Variants in UNC45B observed in about 807,000 individuals in gnomAD.
UNC45B encodes unc-45 myosin chaperone B.
UNC45B carries 78 observed loss-of-function variants against 98.7 expected under a neutral mutation model. That is an observed-to-expected ratio of 0.79 (90% CI 0.66 to 0.95). The LOEUF is 0.95. Ranked by LOEUF, UNC45B falls within the 40% of genes least tolerant of loss-of-function variation. The pLI is 0.00. For synonymous variants in UNC45B, 462 were observed against 480.4 expected (o/e 0.96, Z 0.50); for missense variants, 1,225 against 1,184.9 (o/e 1.03, Z -0.50).
chr17:35,154,875 T>C (rs1451322881), intron 6 of UNC45B, 134 bp downstream of exon 6: 8 of 1,048,222 alleles, frequency 7.6e-6, no homozygotes, highest in Non-Finnish European at 1.0e-5. Context: ...AGTCTCTTTT[T>C]CCCTTTCAGT....
At chr17:35,174,053 C>T (rs896950765) in intron 13 of UNC45B, among the ~76,000 whole-genome samples, 189 bp from the exon 14 acceptor site, 2 of 152,006 alleles carry the variant, frequency 1.3e-5, no homozygotes, top group Non-Finnish European at 2.9e-5. Flanking sequence ...CCTCGTGGTC[C>T]GCCCGCCTCA....
At chr17:35,177,205 T>G in intron 16 of UNC45B, 75 bp downstream of exon 16, 3 of 1,362,102 alleles carry the variant, frequency 2.2e-6, no homozygotes, top group Admixed American at 3.8e-5. Flanking sequence ...CCCTTGTCAT[T>G]CTACCTCGAG....
Position 35,150,165 on chromosome 17 carries a change from C to T in UNC45B, c.323C>T (p.Pro108Leu). Residue 108 changes from proline (P) to leucine (L), a missense_variant, in exon 4 of 20, where the codon CCA becomes CTA. By Grantham distance (98) the Pro-to-Leu change is moderately conservative. Coordinates refer to ENST00000394570, the MANE Select transcript of UNC45B (RefSeq NM_001267052.2). ...KDVQRCATLE[P>L]RNQNFQEMLR... Reference sequence around the variant, plus strand: ...GTGCAGCGTTGTGCCACCCTCGAGCCACGGAACCAGAACTTCCAGGAGATG... The same window carrying T: ...GTGCAGCGTTGTGCCACCCTCGAGCTACGGAACCAGAACTTCCAGGAGATG... The T allele has an allele frequency of 6.2e-7, 1 of 1,613,680 alleles. No individual in the cohort carries two copies. Among genetic ancestry groups the T allele is most frequent in the Non-Finnish European group, 8.5e-7 (1 of 1,179,764 alleles).
At chr17:35,150,262 C>A in intron 4 of UNC45B, 39 bp downstream of exon 4, 1 of 1,575,222 alleles carries the variant, frequency 6.3e-7, no homozygotes, top group Non-Finnish European at 8.6e-7. Context: ...GGCTGCCCAG[C>A]CCCTCTCTTC....
intron 14 of UNC45B, among the ~76,000 whole-genome samples, chr17:35,174,811 T>C (rs2092215694): frequency 6.8e-6 from 1 of 146,122 alleles, no homozygotes; most frequent in Non-Finnish European, 1.5e-5. Flanking sequence ...CAGAGCAAGA[T>C]CCTGTCTCTA....
In UNC45B at chr17:35,177,015, A is replaced by G. The variant is rs1390871187; in HGVS notation, c.2026-2A>G. On this transcript the variant is annotated splice_acceptor_variant, in intron 15 of 19. Transcript: ENST00000394570. LOFTEE classifies it high-confidence loss of function. ...AAGTAGTGACCTTGCCCTTTCTTGCAGGCCCTGATTCCCCTGGCTTTGGAG... is the reference window on the plus strand; with the variant it reads ...AAGTAGTGACCTTGCCCTTTCTTGCGGGCCCTGATTCCCCTGGCTTTGGAG... 1 of 1,613,328 alleles carries G rather than the reference A, an allele frequency of 6.2e-7. No homozygotes were observed. Among genetic ancestry groups the G allele is most frequent in the South Asian group, 1.1e-5 (1 of 91,034 alleles).
rs2142624064 is a variant in UNC45B, at chr17:35,188,463, G to T, written c.*1904G>T. ...TAAAGTTCATCTTGTTTGGATTGGA[G>T]AGACTTTTTTTTTTTTTTTTTTTGA... On this transcript the variant is annotated 3_prime_UTR_variant, in exon 20 of 20. Coordinates refer to ENST00000394570, the MANE Select transcript of UNC45B (RefSeq NM_001267052.2). 1 of 127,434 alleles carries T rather than the reference G, an allele frequency of 7.8e-6. No homozygotes were observed. The highest frequency in any genetic ancestry group is 3.1e-5 in the African/African-American group (1 of 31,772). 7.9% of individuals were successfully genotyped at this position (127,434 alleles called of 1,614,324 possible).
rs2092316382 is a variant in UNC45B at position 35,188,499 on chromosome 17, TG to T, written c.*1941del. On this transcript the variant is annotated 3_prime_UTR_variant, in exon 20 of 20. Coordinates refer to ENST00000394570, the MANE Select transcript of UNC45B (RefSeq NM_001267052.2). ...TTTTTTTTTTTTTGAGACAGGGTCTTGCTCTGTAACCTAGGCTCAAGTGCAG... is the reference window on the plus strand; with the variant it reads ...TTTTTTTTTTTTTGAGACAGGGTCTTCTCTGTAACCTAGGCTCAAGTGCAG... The T allele has an allele frequency of 6.7e-6, 1 of 149,884 alleles. No homozygotes were observed. The highest frequency in any genetic ancestry group is 1.5e-5 in the Non-Finnish European group (1 of 67,816). The allele number at this position is 149,884 out of a possible 1,614,324, so 9.3% of individuals were successfully genotyped here.
At chr17:35,155,714 C>G (rs1282997657) in intron 7 of UNC45B, among the ~76,000 whole-genome samples, 1 of 152,106 alleles carries the variant, frequency 6.6e-6, no homozygotes, top group Non-Finnish European at 1.5e-5. Context: ...GGACTACAGG[C>G]ACACACCATC....
In UNC45B at chr17:35,169,927, C is replaced by G. The variant is rs768111560; in HGVS notation, c.1543C>G (p.Arg515Gly). 23 of 1,614,008 alleles carry G rather than the reference C, an allele frequency of 1.4e-5. No individual in the cohort carries two copies. The highest frequency in any genetic ancestry group is 1.8e-5 in the Non-Finnish European group (21 of 1,180,034). ...GACAGAAAAACTGGCCAAACAGTGT[C>G]GCAAGTAAGGGGGCTGTGTTTCCCA... The part of the protein sequence containing the change: ...GSTEKLAKQC[R>G]KWLCNMSIDT... Residue 515 changes from arginine (R) to glycine (G), a missense_variant, in exon 11 of 20, where the codon CGC becomes GGC. Transcript: ENST00000394570.
intron 5 of UNC45B, 70 bp from the exon 6 acceptor site, chr17:35,154,504 A>T: frequency 3.4e-6 from 5 of 1,455,848 alleles, no homozygotes; most frequent in Non-Finnish European, 4.7e-6. Context: ...CTCTTCTTGT[A>T]CTTGGCCCAT....
At position 35,171,476 on chromosome 17, in the gene UNC45B, C is replaced by G. The variant is rs748186616; in HGVS notation, c.1830+14C>G. ...GAACACCCCAAGGTAGGGTCAGGCGCGACCCGGGAGGGGTCTGGTCTGTGC... is the reference window on the plus strand; with the variant it reads ...GAACACCCCAAGGTAGGGTCAGGCGGGACCCGGGAGGGGTCTGGTCTGTGC... On this transcript the variant is annotated intron_variant, in intron 13 of 19. Coordinates refer to ENST00000394570, the MANE Select transcript of UNC45B (RefSeq NM_001267052.2). 23 of 1,613,020 alleles carry G rather than the reference C, an allele frequency of 1.4e-5. No individual in the cohort carries two copies. The highest frequency in any genetic ancestry group is 1.6e-4 in the Middle Eastern group (1 of 6,082).
Position 35,187,101 on chromosome 17 carries a change from A to C in UNC45B, c.*542A>C, listed in dbSNP as rs1029391415. The C allele has an allele frequency of 1.9e-5, 3 of 154,588 alleles. No homozygotes were observed. Among genetic ancestry groups the C allele is most frequent in the African/African-American group, 7.2e-5 (3 of 41,472 alleles). 9.6% of individuals were successfully genotyped at this position (154,588 alleles called of 1,614,324 possible). On this transcript the variant is annotated 3_prime_UTR_variant, in exon 20 of 20. Coordinates refer to ENST00000394570, the MANE Select transcript of UNC45B (RefSeq NM_001267052.2). The stretch of plus-strand genomic sequence containing the variant: ...CCCATCACTTCACTGTGATGGAAAT[A>C]GAGTTTATGTTCAACAGTGGGGCAT...
At chr17:35,155,165 C>T in intron 6 of UNC45B, 131 bp from the exon 7 acceptor site, 1 of 1,122,600 alleles carries the variant, frequency 8.9e-7, no homozygotes. Flanking sequence ...GCCCATGAGG[C>T]AATGGCTGCC....
In UNC45B at chr17:35,162,988, A is replaced by G. The variant is rs2092112199; in HGVS notation, c.980-1007A>G. On this transcript the variant is annotated intron_variant, in intron 8 of 19. Coordinates refer to ENST00000394570, the MANE Select transcript of UNC45B (RefSeq NM_001267052.2). ...AACATAGTATAACAGCTAACATCAC[A>G]GGCTTTGAAATCAGACGGGATTGGG... Among the ~76,000 whole-genome samples the G allele has an allele frequency of 3.9e-5, 6 of 152,144 alleles. No homozygotes were observed. In the South Asian group the frequency reaches 1.2e-3, roughly 31 times the overall value.
In UNC45B at chr17:35,171,336, C is replaced by T; in HGVS notation, c.1704C>T (p.Thr568=). ...MFELAKTSDK[T]ILYSVATTLV... ...GTGCCTTCCAGACCAGTGACAAGAC[C>T]ATCCTGTACTCGGTGGCCACCACCC... Residue 568 remains threonine, a synonymous_variant, in exon 13 of 20, where the codon ACC becomes ACT. Transcript: ENST00000394570. The T allele has an allele frequency of 6.2e-7, 1 of 1,614,066 alleles. No homozygotes were observed. The highest frequency in any genetic ancestry group is 8.5e-7 in the Non-Finnish European group (1 of 1,179,946).
At chr17:35,149,927 G>T in intron 3 of UNC45B, 121 bp from the exon 4 acceptor site, 2 of 1,070,658 alleles carry the variant, frequency 1.9e-6, no homozygotes, top group Non-Finnish European at 2.6e-6. Flanking sequence ...CACATGGATG[G>T]ATAATCTCCA....
chr17:35,151,804 G>A (rs866286309), intron 4 of UNC45B, among the ~76,000 whole-genome samples: 51 of 152,284 alleles, frequency 3.3e-4, no homozygotes, highest in African/African-American at 1.1e-3. Context: ...ACCCCCAAAG[G>A]AAATGAGCAC....
At chr17:35,151,118 C>T in intron 4 of UNC45B, 1 of 201,930 alleles carries the variant, frequency 5.0e-6, no homozygotes, top group South Asian at 5.9e-5. Flanking sequence ...TTTCCCGCGC[C>T]CCACCGCGGG....
Sources: allele counts gnomAD v4.1 joint callset (sites outside exome capture counted in the v4.1 genomes callset), GRCh38; gene constraint gnomAD v4.1.1; transcripts MANE v1.5; gene names NCBI Gene and HGNC (gene_info 2026-07-23, HGNC 2026-07-21).